MAPK10: variants seen among roughly 807,000 people sequenced by gnomAD.
MAPK10 encodes mitogen-activated protein kinase 10, also known as JNK3 alpha protein kinase.
MAPK10 carries 25 observed loss-of-function variants against 59.3 expected under a neutral mutation model. The ratio of observed to expected loss-of-function variants is 0.42; its 90% CI spans 0.31 to 0.59. The LOEUF is 0.59. MAPK10 is among the 20% of genes least tolerant of loss of function. MAPK10 has a pLI of 0.15. For synonymous variants in MAPK10, 190 were observed against 200.5 expected, an observed-to-expected ratio of 0.95 and a Z score of 0.44; for missense variants, 351 against 568.9, an observed-to-expected ratio of 0.62 and a Z score of 3.90.
chr4:86,173,284 T>C (rs773669107), intron 3 of MAPK10, among the ~76,000 whole-genome samples: 3 of 152,064 alleles, frequency 2.0e-5, no homozygotes, highest in African/African-American at 4.8e-5. Context: ...CATAGATCAA[T>C]TGAACAGAAT....
intron 4 of MAPK10, among the ~76,000 whole-genome samples, chr4:86,131,410 G>A (rs768106709): frequency 2.1e-4 from 32 of 152,110 alleles, no homozygotes; most frequent in Non-Finnish European, 4.4e-4. Flanking sequence ...AACCCAAACT[G>A]TATTTCGAGA....
chr4:86,163,613 G>A (rs1407892677), intron 3 of MAPK10, among the ~76,000 whole-genome samples: 1 of 152,130 alleles, frequency 6.6e-6, no homozygotes, highest in African/African-American at 2.4e-5. Flanking sequence ...TTTTAACATG[G>A]ATTAGGACTA....
intron 1 of MAPK10, among the ~76,000 whole-genome samples, chr4:86,442,640 T>C (rs149868298): frequency 6.6e-6 from 1 of 152,344 alleles, no homozygotes; most frequent in African/African-American, 2.4e-5. Context: ...CATGTATGTA[T>C]CCATAAACAA....
chr4:86,435,967 A>G (rs1748668230), intron 1 of MAPK10, among the ~76,000 whole-genome samples: 1 of 152,242 alleles, frequency 6.6e-6, no homozygotes, highest in Non-Finnish European at 1.5e-5. Flanking sequence ...TTACTGATTA[A>G]TTTATACCAA....
At chr4:86,307,200 T>C (rs1363185563) in intron 2 of MAPK10, among the ~76,000 whole-genome samples, 1 of 152,160 alleles carries the variant, frequency 6.6e-6, no homozygotes, top group African/African-American at 2.4e-5. Context: ...AAAATAAATA[T>C]GTCTTTACAT....
chr4:86,317,537 C>T (rs1324066899), intron 2 of MAPK10, among the ~76,000 whole-genome samples: 1 of 152,244 alleles, frequency 6.6e-6, no homozygotes, highest in Admixed American at 6.5e-5. Flanking sequence ...TATTTATATA[C>T]CCAAATCTAC....
At chr4:86,160,425 C>T (rs2069192593) in intron 3 of MAPK10, 1 of 151,974 alleles carries the variant, frequency 6.6e-6, no homozygotes, top group Admixed American at 6.6e-5. Flanking sequence ...TAAGCACCCA[C>T]ATTTTCTGTG....
intron 1 of MAPK10, among the ~76,000 whole-genome samples, chr4:86,557,896 C>T (rs1174500019): frequency 6.6e-6 from 1 of 152,070 alleles, no homozygotes; most frequent in East Asian, 1.9e-4. Context: ...TACTTTCCCA[C>T]ATTTAGTGCC....
chr4:86,295,016 T>C (rs2095322136), intron 2 of MAPK10, among the ~76,000 whole-genome samples: 1 of 152,016 alleles, frequency 6.6e-6, no homozygotes, highest in African/African-American at 2.4e-5. Flanking sequence ...CTCAGAAGGG[T>C]ATCACTCGCA....
intron 2 of MAPK10, among the ~76,000 whole-genome samples, chr4:86,317,340 C>G (rs1443909345): frequency 3.3e-5 from 5 of 152,128 alleles, no homozygotes; most frequent in Non-Finnish European, 7.4e-5. Context: ...GCTCTTCTCC[C>G]TCCCTAGAAG....
intron 1 of MAPK10, among the ~76,000 whole-genome samples, chr4:86,368,608 T>C (rs996332448): frequency 2.6e-5 from 4 of 152,212 alleles, no homozygotes; most frequent in African/African-American, 7.2e-5. Context: ...TTGAACCAAC[T>C]GTTATTAAGC....
intron 1 of MAPK10, among the ~76,000 whole-genome samples, chr4:86,574,842 C>T (rs1208707707): frequency 6.6e-6 from 1 of 151,996 alleles, no homozygotes; most frequent in Non-Finnish European, 1.5e-5. Flanking sequence ...ATCTGTACAC[C>T]TCTTATTTCT....
intron 2 of MAPK10, among the ~76,000 whole-genome samples, chr4:86,343,043 T>C (rs1725957215): frequency 6.6e-6 from 1 of 152,160 alleles, no homozygotes. Flanking sequence ...TCTGATGCCA[T>C]GTCCCCTATG....
chr4:86,454,515 C>T (rs1487564686), upstream of MAPK10, among the ~76,000 whole-genome samples: 2 of 151,968 alleles, frequency 1.3e-5, no homozygotes, highest in African/African-American at 4.8e-5. Flanking sequence ...AGAAGAGCTT[C>T]AGAGACTCAA....
chr4:86,545,091 T>C (rs563360283), intron 1 of MAPK10, among the ~76,000 whole-genome samples: 4 of 152,288 alleles, frequency 2.6e-5, no homozygotes, highest in African/African-American at 9.6e-5. Context: ...AGGAGCCAAA[T>C]AGTGTCACAT....
At chr4:86,199,235 T>C (rs2082076826) in intron 2 of MAPK10, among the ~76,000 whole-genome samples, 1 of 152,152 alleles carries the variant, frequency 6.6e-6, no homozygotes, top group African/African-American at 2.4e-5. Context: ...GAAAATTCAT[T>C]AGAATATTTT....
chr4:86,109,632 T>C (rs1489944751), intron 4 of MAPK10, among the ~76,000 whole-genome samples: 2 of 152,238 alleles, frequency 1.3e-5, no homozygotes, highest in Non-Finnish European at 2.9e-5. Context: ...ATCCAGTCTA[T>C]CATTGATGGG....
At chr4:86,198,712 ATAT>A (rs2081958254) in intron 2 of MAPK10, among the ~76,000 whole-genome samples, 1 of 151,728 alleles carries the variant, frequency 6.6e-6, no homozygotes, top group African/African-American at 2.4e-5. Flanking sequence ...TTTGAAAAAT[ATAT>A]TAATAAAATA....
intron 1 of MAPK10, among the ~76,000 whole-genome samples, chr4:86,518,631 GT>G (rs781104591): frequency 0.051 from 6,978 of 135,814 alleles, 205 homozygotes; most frequent in African/African-American, 0.064. Context: ...TCTGATCTTT[GT>G]TTTTTTTTTT....
Sources: gnomAD v4.1 joint callset for allele counts (sites outside exome capture counted in the v4.1 genomes callset) on GRCh38, gnomAD v4.1.1 for gene constraint, MANE v1.5 for transcripts, NCBI Gene and HGNC (gene_info 2026-07-23, HGNC 2026-07-21) for gene names.